CLIP1: variants seen among roughly 807,000 people sequenced by gnomAD.
The protein encoded by CLIP1 is CAP-Gly domain containing linker protein 1, also known as CAP-Gly domain-containing linker protein 1.
A neutral mutation model predicts 161.6 loss-of-function variants in CLIP1; 66 were observed. The ratio of observed to expected loss-of-function variants is 0.41; its 90% CI spans 0.33 to 0.50. The LOEUF (loss-of-function observed/expected upper bound fraction) is 0.50, where lower values mean the gene tolerates loss of function less well. CLIP1 is among the 20% of genes least tolerant of loss of function. The pLI is 0.27. For missense variants in CLIP1, 1,376 were observed against 1,702.0 expected, an observed-to-expected ratio of 0.81 and a Z score of 3.37; for synonymous variants, 598 against 626.2, an observed-to-expected ratio of 0.96 and a Z score of 0.67.
At position 122,360,919 on chromosome 12, in the gene CLIP1, G is replaced by C; in HGVS notation, c.1005+40C>G. On this transcript the variant is annotated intron_variant, in intron 5 of 25. Coordinates refer to ENST00000620786, the MANE Select transcript of CLIP1 (RefSeq NM_001247997.2). ...GGCACTGACCACGGGCCTTAATCCT[G>C]CCTGGGAAGTGGAGGCAGGTAGTGA... is the stretch of plus-strand genomic sequence containing the variant. The C allele has an allele frequency of 1.9e-6, 3 of 1,545,542 alleles. No individual in the cohort carries two copies. In the African/African-American group the frequency reaches 4.1e-5, roughly 21 times the overall value.
chr12:122,328,341 T>C lies in CLIP1; in HGVS notation c.2953A>G (p.Lys985Glu), dbSNP rs1391023509. 6.2e-7 allele frequency: 1 copy of C among 1,614,182 alleles called. No homozygotes were observed. The highest frequency in any genetic ancestry group is 1.7e-5 in the Admixed American group (1 of 60,014). Residue 985 changes from lysine (K) to glutamate (E), a missense_variant, in exon 16 of 26, where the codon AAA (lysine) becomes GAA (glutamate). By Grantham distance (56) the Lys-to-Glu change is moderately conservative. Transcript: ENST00000620786. ...GCTTCTTGCTGGCTCTGTTCAGCTT[T>C]GACAGTCATGTCCTCAATACTTTTT... ...LQKSIEDMTV[K>E]AEQSQQEAAK...
chr12:122,385,780 A>C (rs1955230712), intron 1 of CLIP1, among the ~76,000 whole-genome samples: 1 of 152,204 alleles, frequency 6.6e-6, no homozygotes, highest in African/African-American at 2.4e-5. Context: ...ACATATCAGC[A>C]GGAAACAACA....
intron 18 of CLIP1, among the ~76,000 whole-genome samples, chr12:122,317,974 A>G (rs1951334885): frequency 1.3e-5 from 2 of 152,172 alleles, no homozygotes; most frequent in Non-Finnish European, 2.9e-5. Flanking sequence ...TTCAGCTTCT[A>G]ATTTTGATTA....
chr12:122,277,951 T>C, intron 24 of CLIP1: 2 of 581,914 alleles, frequency 3.4e-6, no homozygotes, highest in Non-Finnish European at 3.0e-6. Context: ...GGTTGGGAAC[T>C]GAGCAGAAGA....
chr12:122,346,799 A>C lies in CLIP1; in HGVS notation c.1506+576T>G, dbSNP rs571091624. On this transcript the variant is annotated intron_variant, in intron 10 of 25. Transcript: ENST00000620786. ...ATAAGAAGCAAGAGCCACTGCGCCCAGTGTCCACTGAGGTTTCAATCCCCC... is the reference window on the plus strand; with the variant it reads ...ATAAGAAGCAAGAGCCACTGCGCCCCGTGTCCACTGAGGTTTCAATCCCCC... Among the ~76,000 whole-genome samples, 3 of 152,268 alleles carry C rather than the reference A, an allele frequency of 2.0e-5. No homozygotes were observed. The South Asian group carries it at 6.2e-4, about 32-fold the overall frequency.
chr12:122,407,748 C>CTAA (rs1956379024), intron 1 of CLIP1, among the ~76,000 whole-genome samples: 1 of 38,334 alleles, frequency 2.6e-5, no homozygotes, highest in African/African-American at 1.4e-4. Context: ...GACCCTGTCT[C>CTAA]AAAAAAAAAA....
chr12:122,346,340 G>C (rs900181324), intron 10 of CLIP1, among the ~76,000 whole-genome samples: 1 of 152,180 alleles, frequency 6.6e-6, no homozygotes, highest in African/African-American at 2.4e-5. Flanking sequence ...ACTTAGAATA[G>C]TGTCTGGCAT....
chr12:122,340,300 G>A (rs1256499997), intron 11 of CLIP1, among the ~76,000 whole-genome samples: 4 of 151,986 alleles, frequency 2.6e-5, no homozygotes, highest in Admixed American at 6.6e-5. Context: ...GGCTGATCTC[G>A]AACTCCTGAC....
chr12:122,355,883 C>T lies in CLIP1; in HGVS notation c.1006-571G>A, dbSNP rs987579340. On this transcript the variant is annotated intron_variant, in intron 5 of 25. Transcript: ENST00000620786. The surrounding 1 kb of genome is among the most constrained non-coding windows in gnomAD (Gnocchi z 4.1). Reference sequence around the variant, plus strand: ...AGGTGTGAGCCACCGCGCCAAAGGCCATCTGCTCAGCCACTGCTGGCTCCA... The same window carrying T: ...AGGTGTGAGCCACCGCGCCAAAGGCTATCTGCTCAGCCACTGCTGGCTCCA... The T allele has an allele frequency of 6.6e-6, 1 of 152,498 alleles. No homozygotes were observed. The highest frequency in any genetic ancestry group is 2.4e-5 in the African/African-American group (1 of 41,434). The allele number at this position is 152,498 out of a possible 1,614,324, so 9.4% of individuals were successfully genotyped here. A position where few individuals can be genotyped will look rare whatever the true frequency, so the allele number is the denominator to read the frequency against.
chr12:122,302,134 CTT>C (rs1323574525), intron 20 of CLIP1, among the ~76,000 whole-genome samples: 1 of 152,102 alleles, frequency 6.6e-6, no homozygotes, highest in East Asian at 1.9e-4. Flanking sequence ...CAGTTTCACT[CTT>C]GTTGCCCAGG....
chr12:122,290,749 T>G (rs2136312107), intron 20 of CLIP1, among the ~76,000 whole-genome samples: 1 of 152,308 alleles, frequency 6.6e-6, no homozygotes, highest in South Asian at 2.1e-4. Context: ...ATGTTTGATA[T>G]TTATCATACT....
intron 21 of CLIP1, among the ~76,000 whole-genome samples, chr12:122,284,943 A>T (rs545825203): frequency 4.6e-5 from 7 of 152,038 alleles, no homozygotes; most frequent in Non-Finnish European, 7.4e-5. Context: ...CATTTTATGT[A>T]TTTATTTTAT....
chr12:122,287,387 G>A (rs567230342), intron 21 of CLIP1, among the ~76,000 whole-genome samples: 26 of 152,202 alleles, frequency 1.7e-4, no homozygotes, highest in African/African-American at 5.8e-4. Context: ...CTGACGAGTG[G>A]GAATAATACT....
intron 20 of CLIP1, among the ~76,000 whole-genome samples, chr12:122,295,683 T>C (rs1950440265): frequency 6.6e-6 from 1 of 152,222 alleles, no homozygotes; most frequent in Non-Finnish European, 1.5e-5. Context: ...GCATAGTTGT[T>C]CTACCCATCA....
chr12:122,274,667 A>AT (rs1333644814), intron 24 of CLIP1: 1 of 147,358 alleles, frequency 6.8e-6, no homozygotes, highest in African/African-American at 2.5e-5. Flanking sequence ...AGCCTCCTGA[A>AT]TAGCTGGGAT....
chr12:122,373,850 CCTCA>C (rs1954579870), intron 3 of CLIP1, among the ~76,000 whole-genome samples: 3 of 152,074 alleles, frequency 2.0e-5, no homozygotes, highest in Admixed American at 2.0e-4. Flanking sequence ...TGTAATAAGA[CCTCA>C]CTATGTGTGT....
chr12:122,352,127 G>A (rs997062729), intron 8 of CLIP1, among the ~76,000 whole-genome samples: 19 of 147,656 alleles, frequency 1.3e-4, no homozygotes, highest in African/African-American at 4.0e-4. Context: ...GCACGATCTC[G>A]GCTCACTGCA....
intron 20 of CLIP1, among the ~76,000 whole-genome samples, chr12:122,303,452 G>A (rs892630569): frequency 3.3e-5 from 5 of 152,104 alleles, no homozygotes; most frequent in South Asian, 2.1e-4. Flanking sequence ...TTAACCCCAC[G>A]TTACAGCTAA....
At chr12:122,325,820 A>G (rs770704479) in intron 17 of CLIP1, among the ~76,000 whole-genome samples, 1 of 151,872 alleles carries the variant, frequency 6.6e-6, no homozygotes, top group Non-Finnish European at 1.5e-5. Flanking sequence ...CACCCAATTA[A>G]TTTTTTGTAT....
Sources: gnomAD v4.1 joint callset for allele counts (sites outside exome capture counted in the v4.1 genomes callset) on GRCh38, gnomAD v4.1.1 for gene constraint, Gnocchi (gnomAD v3.1) non-coding constraint, MANE v1.5 for transcripts, NCBI Gene and HGNC (gene_info 2026-07-23, HGNC 2026-07-21) for gene names.